Variants in PSME4 observed in about 807,000 individuals in gnomAD.
PSME4 encodes proteasome activator complex subunit 4.
PSME4 carries 89 observed loss-of-function variants against 253.9 expected under a neutral mutation model. That is an observed-to-expected ratio of 0.35 (90% confidence interval 0.30 to 0.42). The LOEUF is 0.42. PSME4 is among the 10% of genes least tolerant of loss of function. The pLI is 1.00. For missense variants in PSME4, 2,014 were observed against 2,195.2 expected (o/e 0.92, Z 1.65); for synonymous variants, 851 against 759.2 (o/e 1.12, Z -1.99).
At chr2:53,868,504 A>AATAAAATATAT (rs1678692932) in intron 44 of PSME4, among the ~76,000 whole-genome samples, 1 of 55,122 alleles carries the variant, frequency 1.8e-5, no homozygotes, top group African/African-American at 5.5e-5. Flanking sequence ...TATGATATAT[A>AATAAAATATAT]TTATAAAATA....
rs536742966 is a variant in PSME4, at chr2:53,897,393, T to C, written c.3606+477A>G. 3.9e-5 allele frequency among the ~76,000 whole-genome samples: 6 copies of C among 152,258 alleles called. No individual in the cohort carries two copies. The South Asian group carries it at 1.0e-3, about 26-fold the overall frequency. On this transcript the variant is annotated intron_variant, in intron 31 of 46. Transcript: ENST00000404125. ...CATGTTGGTCAGGCTGGTCTTGAAC[T>C]CCTGACCTCAGGTGATCCACCTGCC...
chr2:53,910,076 A>T lies in PSME4; in HGVS notation c.2571T>A (p.Tyr857Ter). ...EETKLYTGLE[Y>*]DLSRENHREV... The stretch of plus-strand genomic sequence containing the variant: ...TTACTCAGATTAGGATTCACATACC[A>T]TATTCAAGTCCAGTATACAACTTTG... Residue 857 changes from tyrosine (Y) to a stop codon, truncating the protein, a stop_gained and splice_region_variant, in exon 21 of 47, where the codon TAT (tyrosine) becomes TAA (stop). Transcript: ENST00000404125. LOFTEE classifies it high-confidence loss of function. 6.2e-7 allele frequency: 1 copy of T among 1,601,434 alleles called. No individual in the cohort carries two copies. The highest frequency in any genetic ancestry group is 8.6e-7 in the Non-Finnish European group (1 of 1,168,590).
intron 32 of PSME4, 95 bp downstream of exon 32, chr2:53,896,709 C>A (rs1680153328): frequency 1.1e-6 from 1 of 906,192 alleles, no homozygotes; most frequent in African/African-American, 1.7e-5. Flanking sequence ...ATCCATAGAA[C>A]AATATTTGAG....
chr2:53,961,898 T>G (rs1206108671), intron 1 of PSME4, among the ~76,000 whole-genome samples: 1 of 152,218 alleles, frequency 6.6e-6, no homozygotes, highest in African/African-American at 2.4e-5. Context: ...GGTTTCCACT[T>G]GCTAGAACGG....
chr2:53,887,506 C>A, intron 39 of PSME4, 39 bp from the exon 40 acceptor site: 1 of 1,526,658 alleles, frequency 6.6e-7, no homozygotes, highest in Non-Finnish European at 9.0e-7. Flanking sequence ...AGAGGTGCCA[C>A]ATTATAAATA....
intron 13 of PSME4, 51 bp from the exon 14 acceptor site, chr2:53,925,740 A>G (rs1668529375): frequency 6.5e-7 from 1 of 1,550,020 alleles, no homozygotes; most frequent in Non-Finnish European, 8.9e-7. Flanking sequence ...CTGGTTTGAC[A>G]TTTTTGGTGG....
At chr2:53,900,402 A>ATC (rs1290728564) in intron 28 of PSME4, among the ~76,000 whole-genome samples, 11 of 151,804 alleles carry the variant, frequency 7.2e-5, no homozygotes, top group South Asian at 2.1e-4. Flanking sequence ...TCTCTCTCAA[A>ATC]AAAAAAAAAA....
intron 36 of PSME4, among the ~76,000 whole-genome samples, chr2:53,892,216 G>C (rs544692450): frequency 6.6e-6 from 1 of 152,218 alleles, no homozygotes; most frequent in Admixed American, 6.5e-5. Context: ...TCATCTCTTC[G>C]ACAAAATAGT....
chr2:53,940,025 A>G (rs1669316376), intron 3 of PSME4, 25 bp from the exon 4 acceptor site: 1 of 1,524,386 alleles, frequency 6.6e-7, no homozygotes, highest in African/African-American at 1.4e-5. Context: ...CCATTTGATA[A>G]TTAGATTGGT....
At chr2:53,902,945 A>G (rs182723857) in intron 27 of PSME4, among the ~76,000 whole-genome samples, 1 of 152,234 alleles carries the variant, frequency 6.6e-6, no homozygotes, top group East Asian at 1.9e-4. Flanking sequence ...ATTATCTCCA[A>G]AAAACAATGA....
At chr2:53,954,260 A>G (rs1260962198) in intron 1 of PSME4, among the ~76,000 whole-genome samples, 3 of 151,942 alleles carry the variant, frequency 2.0e-5, no homozygotes, top group Non-Finnish European at 4.4e-5. Flanking sequence ...CCCGGGAGGC[A>G]GAGGTTGCAG....
intron 1 of PSME4, among the ~76,000 whole-genome samples, chr2:53,963,394 T>C (rs1245471553): frequency 6.6e-6 from 1 of 152,070 alleles, no homozygotes; most frequent in Non-Finnish European, 1.5e-5. Context: ...AAACTTGCGC[T>C]GATACATCCC....
intron 39 of PSME4, 37 bp downstream of exon 39, chr2:53,887,821 A>G (rs1679711796): frequency 6.6e-7 from 1 of 1,522,616 alleles, no homozygotes; most frequent in Admixed American, 2.0e-5. Flanking sequence ...ACAAACAAAG[A>G]ACTCGAGAGG....
chr2:53,967,329 A>G (rs897926031), intron 1 of PSME4, among the ~76,000 whole-genome samples: 4 of 152,088 alleles, frequency 2.6e-5, no homozygotes, highest in African/African-American at 9.7e-5. Context: ...AAGTTTCTAA[A>G]TGGACTGAAC....
intron 20 of PSME4, among the ~76,000 whole-genome samples, chr2:53,916,241 C>CAAAAA (rs10685516): frequency 1.4e-4 from 15 of 104,464 alleles, no homozygotes; most frequent in African/African-American, 3.2e-4. Context: ...GACTCTGTCT[C>CAAAAA]AAAAAAAAAA....
At position 53,887,843 on chromosome 2, in the gene PSME4, GAA is replaced by G; in HGVS notation, c.4520+13_4520+14del. On this transcript the variant is annotated intron_variant, in intron 39 of 46. Transcript: ENST00000404125. ...AAGAACTCGAGAGGTACACCACAGA[GAA>G]AACAGTACCTACCTTCCTATTCTTT... 1 of 1,577,230 alleles carries G rather than the reference GAA, an allele frequency of 6.3e-7. No homozygotes were observed. Among genetic ancestry groups the G allele is most frequent in the African/African-American group, 1.4e-5 (1 of 73,762 alleles).
chr2:53,914,583 A>C (rs1017317407), intron 20 of PSME4, among the ~76,000 whole-genome samples: 2 of 152,202 alleles, frequency 1.3e-5, no homozygotes, highest in African/African-American at 2.4e-5. Flanking sequence ...AGTTTATAGT[A>C]AGTATAAGAT....
At chr2:53,925,495 A>T in intron 14 of PSME4, 44 bp downstream of exon 14, 4 of 1,451,520 alleles carry the variant, frequency 2.8e-6, no homozygotes, top group Non-Finnish European at 2.8e-6. Context: ...ACATCAAATG[A>T]AACTTAAAAG....
At chr2:53,944,429 G>C (rs758863084) in intron 3 of PSME4, among the ~76,000 whole-genome samples, 100 of 152,184 alleles carry the variant, frequency 6.6e-4, no homozygotes, top group Admixed American at 9.8e-4. Flanking sequence ...CAAAGTGCTA[G>C]GATTACAGGT....
Sources: allele counts gnomAD v4.1 joint callset (sites outside exome capture counted in the v4.1 genomes callset), GRCh38; gene constraint gnomAD v4.1.1; transcripts MANE v1.5; gene names NCBI Gene and HGNC (gene_info 2026-07-23, HGNC 2026-07-21).